Variants in SLC12A1 observed in about 807,000 individuals in gnomAD.
The protein encoded by SLC12A1 is Na-K-2Cl cotransporter.
A neutral mutation model predicts 130.4 loss-of-function variants in SLC12A1; 89 were observed. The ratio of observed to expected loss-of-function variants is 0.68; its 90% CI spans 0.58 to 0.81. The LOEUF is 0.81. Ranked by LOEUF, SLC12A1 falls within the 40% of genes least tolerant of loss-of-function variation. The probability of loss-of-function intolerance (pLI) is 0.00; values close to 1 mark genes in which losing one functional copy is unlikely to be tolerated. For synonymous variants in SLC12A1, 499 were observed against 460.0 expected, an observed-to-expected ratio of 1.08 and a Z score of -1.09; for missense variants, 1,310 against 1,336.4, an observed-to-expected ratio of 0.98 and a Z score of 0.31.
At chr15:48,238,126 T>C (rs1401419428) in intron 9 of SLC12A1, among the ~76,000 whole-genome samples, 1 of 152,260 alleles carries the variant, frequency 6.6e-6, no homozygotes, top group Admixed American at 6.5e-5. Flanking sequence ...TCTACTTTAT[T>C]ACAAGCAATG....
intron 7 of SLC12A1, among the ~76,000 whole-genome samples, chr15:48,231,533 T>C (rs1597411399): frequency 6.6e-6 from 1 of 152,338 alleles, no homozygotes; most frequent in Middle Eastern, 3.4e-3. Context: ...ATCCAGCTTA[T>C]ATCTCTGCAG....
At chr15:48,256,005 AGGGG>A in intron 16 of SLC12A1, 95 bp downstream of exon 16, 1 of 759,576 alleles carries the variant, frequency 1.3e-6, no homozygotes, top group Non-Finnish European at 2.3e-6. Context: ...TATAAGCTTT[AGGGG>A]TACATTCTAA....
chr15:48,229,676 T>C (rs2041346013), intron 6 of SLC12A1, among the ~76,000 whole-genome samples: 1 of 152,232 alleles, frequency 6.6e-6, no homozygotes, highest in African/African-American at 2.4e-5. Context: ...AAATAATGGA[T>C]ATTGCTGTCA....
chr15:48,277,341 C>A (rs1005483104), intron 20 of SLC12A1, among the ~76,000 whole-genome samples: 7 of 151,774 alleles, frequency 4.6e-5, no homozygotes, highest in Non-Finnish European at 7.4e-5. Flanking sequence ...TAAAAAAAAA[C>A]CACTTCATCT....
chr15:48,275,572 G>T (rs1193578692), intron 20 of SLC12A1, among the ~76,000 whole-genome samples: 1 of 152,312 alleles, frequency 6.6e-6, no homozygotes, highest in East Asian at 1.9e-4. Context: ...TGCACTGGAT[G>T]AGTAGGAGTT....
chr15:48,218,791 T>A (rs1661122665), intron 2 of SLC12A1, among the ~76,000 whole-genome samples: 1 of 152,178 alleles, frequency 6.6e-6, no homozygotes, highest in Admixed American at 6.5e-5. Context: ...AAAAGAAAAC[T>A]GTTTTCAGAG....
At chr15:48,251,820 C>T (rs1333502481) in intron 15 of SLC12A1, 50 bp downstream of exon 15, 2 of 1,539,606 alleles carry the variant, frequency 1.3e-6, no homozygotes, top group South Asian at 1.1e-5. Flanking sequence ...TCTCTAACTA[C>T]TCATTTATTA....
intron 24 of SLC12A1, among the ~76,000 whole-genome samples, chr15:48,295,866 G>T (rs1462939286): frequency 6.6e-6 from 1 of 152,138 alleles, no homozygotes; most frequent in East Asian, 1.9e-4. Flanking sequence ...TCTGATGTTG[G>T]CAATGGCTGT....
At position 48,220,919 on chromosome 15, in the gene SLC12A1, A is replaced by G. The variant is rs754004336; in HGVS notation, c.553-2A>G. The G allele has an allele frequency of 8.1e-6, 13 of 1,613,860 alleles. No homozygotes were observed. Among genetic ancestry groups the G allele is most frequent in the South Asian group, 2.2e-5 (2 of 91,080 alleles). ...TCCTTTCAATACCGCTTCTATCCAC[A>G]GGTAAGATGCATGCTGAACATCTGG... On this transcript the variant is annotated splice_acceptor_variant, in intron 3 of 26. Coordinates refer to ENST00000380993, the MANE Select transcript of SLC12A1 (RefSeq NM_000338.3). LOFTEE classifies it high-confidence loss of function.
At chr15:48,274,194 G>C (rs1459883228) in intron 19 of SLC12A1, among the ~76,000 whole-genome samples, 1 of 152,146 alleles carries the variant, frequency 6.6e-6, no homozygotes, top group African/African-American at 2.4e-5. Context: ...GGGGGTGGTG[G>C]CTAATCATTT....
chr15:48,220,929 C>A lies in SLC12A1; in HGVS notation c.561C>A (p.Cys187Ter). ...ACCGCTTCTATCCACAGGTAAGATG[C>A]ATGCTGAACATCTGGGGAGTCATGC... ...FGWVKGVLVR[C>*]MLNIWGVMLF... Residue 187 changes from cysteine to a stop codon, truncating the protein, a stop_gained, in exon 4 of 27, where the codon TGC (cysteine) becomes TGA (stop). Coordinates refer to ENST00000380993, the MANE Select transcript of SLC12A1 (RefSeq NM_000338.3). LOFTEE classifies it high-confidence loss of function. 6.2e-7 allele frequency: 1 copy of A among 1,613,966 alleles called. No individual in the cohort carries two copies. Among genetic ancestry groups the A allele is most frequent in the Non-Finnish European group, 8.5e-7 (1 of 1,179,844 alleles).
intron 19 of SLC12A1, among the ~76,000 whole-genome samples, chr15:48,272,994 G>T (rs1459252339): frequency 6.6e-6 from 1 of 150,542 alleles, no homozygotes; most frequent in Non-Finnish European, 1.5e-5. Flanking sequence ...TGTAATTCCA[G>T]CTACTCAGCA....
intron 17 of SLC12A1, among the ~76,000 whole-genome samples, chr15:48,266,706 G>T (rs527318426): frequency 6.6e-6 from 1 of 152,130 alleles, no homozygotes. Flanking sequence ...CTGGGAAAAT[G>T]GATTTGTACC....
In SLC12A1 at chr15:48,303,044, G is replaced by T. The variant is rs755297773; in HGVS notation, c.*159G>T. On this transcript the variant is annotated 3_prime_UTR_variant, in exon 27 of 27. Transcript: ENST00000380993. ...TTGCATAATTTTTATCAGTTAATGC[G>T]AGCTTTTTTTTCTCTTCTCAGCTTA... is the stretch of plus-strand genomic sequence containing the variant. The T allele has an allele frequency of 8.6e-5, 46 of 532,112 alleles. No individual in the cohort carries two copies. Among genetic ancestry groups the T allele is most frequent in the Admixed American group, 3.0e-4 (8 of 26,528 alleles). 33.0% of individuals were successfully genotyped at this position (532,112 alleles called of 1,614,324 possible). A position where few individuals can be genotyped will look rare whatever the true frequency, so the allele number is the denominator to read the frequency against.
At chr15:48,234,527 G>T (rs1424263341) in intron 8 of SLC12A1, among the ~76,000 whole-genome samples, 1 of 152,090 alleles carries the variant, frequency 6.6e-6, no homozygotes, top group East Asian at 1.9e-4. Flanking sequence ...TGGATCACCT[G>T]AGGTCAGGAG....
chr15:48,236,066 T>C (rs541902030), intron 9 of SLC12A1, among the ~76,000 whole-genome samples: 31 of 148,776 alleles, frequency 2.1e-4, no homozygotes, highest in Non-Finnish European at 3.8e-4. Context: ...AGTGAGGACA[T>C]ATATCGGGGA....
At chr15:48,242,518 T>C (rs759943375) in intron 10 of SLC12A1, among the ~76,000 whole-genome samples, 14 of 152,194 alleles carry the variant, frequency 9.2e-5, no homozygotes, top group Non-Finnish European at 1.5e-4. Flanking sequence ...AGAGTATTGT[T>C]GCGGCTGGGC....
chr15:48,242,771 C>T (rs528585386), intron 10 of SLC12A1, among the ~76,000 whole-genome samples: 14 of 152,276 alleles, frequency 9.2e-5, no homozygotes, highest in Admixed American at 3.3e-4. Flanking sequence ...CACTGCACTC[C>T]AGCCTGGGCA....
intron 18 of SLC12A1, among the ~76,000 whole-genome samples, chr15:48,269,143 G>A (rs767809604): frequency 6.6e-6 from 1 of 152,174 alleles, no homozygotes; most frequent in Admixed American, 6.5e-5. Flanking sequence ...TATGGAAGAT[G>A]GCTATTAATG....
Sources: gnomAD v4.1 joint callset for allele counts (sites outside exome capture counted in the v4.1 genomes callset) on GRCh38, gnomAD v4.1.1 for gene constraint, MANE v1.5 for transcripts, NCBI Gene and HGNC (gene_info 2026-07-23, HGNC 2026-07-21) for gene names.